Variants in SH3RF3 observed in about 807,000 individuals in gnomAD.
SH3RF3 encodes the protein SH3 domain containing ring finger 3.
In SH3RF3, 29 loss-of-function variants were observed where a neutral mutation model predicts 66.3. That is an observed-to-expected ratio of 0.44 (90% CI 0.33 to 0.60). The LOEUF is 0.60. Ranked by LOEUF, SH3RF3 falls within the 20% of genes least tolerant of loss-of-function variation. The pLI, the probability that SH3RF3 is intolerant of heterozygous loss-of-function variation, is 0.04. For synonymous variants in SH3RF3, 583 were observed against 532.0 expected (o/e 1.10, Z -1.32); for missense variants, 1,194 against 1,190.9 (o/e 1.00, Z -0.04).
At chr2:109,260,353 G>A (rs911579384) in intron 1 of SH3RF3, among the ~76,000 whole-genome samples, 5 of 152,206 alleles carry the variant, frequency 3.3e-5, no homozygotes, top group East Asian at 1.9e-4. Flanking sequence ...CCTGTGACCC[G>A]AGGTCAGGGA....
chr2:109,249,631 CTCTT>C (rs975347169), intron 1 of SH3RF3, among the ~76,000 whole-genome samples: 1 of 141,670 alleles, frequency 7.1e-6, no homozygotes, highest in Non-Finnish European at 1.5e-5. Context: ...CTTTCTCTCT[CTCTT>C]TCTCTGTTTC....
chr2:109,374,155 C>G (rs1252511881), intron 3 of SH3RF3, among the ~76,000 whole-genome samples: 2 of 152,192 alleles, frequency 1.3e-5, no homozygotes, highest in Admixed American at 6.5e-5. Context: ...GGGCACAGTC[C>G]CTTCCACCCA....
At chr2:109,161,066 T>C (rs1411565857) in intron 1 of SH3RF3, among the ~76,000 whole-genome samples, 1 of 152,134 alleles carries the variant, frequency 6.6e-6, no homozygotes, top group African/African-American at 2.4e-5. Flanking sequence ...GTGAGGGTGC[T>C]TGTGATCACA....
In SH3RF3 at chr2:109,398,948, C is replaced by T; in HGVS notation, c.1299+5C>T. 6.2e-7 allele frequency: 1 copy of T among 1,607,534 alleles called. No individual in the cohort carries two copies. Among genetic ancestry groups the T allele is most frequent in the Non-Finnish European group, 8.5e-7 (1 of 1,177,828 alleles). On this transcript the variant is annotated splice_donor_5th_base_variant and intron_variant, in intron 4 of 9. Transcript: ENST00000309415. ...TCGTGCGCTGCTCCCACCCAGGTAA[C>T]ATCCCGCGGGCCAGGGCAGGCATCC...
chr2:109,319,481 G>T (rs1222675847), intron 1 of SH3RF3, among the ~76,000 whole-genome samples: 2 of 152,168 alleles, frequency 1.3e-5, no homozygotes, highest in African/African-American at 4.8e-5. Flanking sequence ...TTGCACTTCT[G>T]CTGGGGTAGT....
intron 1 of SH3RF3, among the ~76,000 whole-genome samples, chr2:109,203,823 C>CG (rs34217013): frequency 0.49 from 74,829 of 151,882 alleles, 19,007 homozygotes; most frequent in African/African-American, 0.6. Flanking sequence ...GACTCTGAAG[C>CG]GTTTGCTCTC....
chr2:109,346,965 C>G (rs1682724243), intron 1 of SH3RF3, among the ~76,000 whole-genome samples: 1 of 152,102 alleles, frequency 6.6e-6, no homozygotes, highest in Non-Finnish European at 1.5e-5. Flanking sequence ...TGTTAGAACC[C>G]CTGCTCCTGG....
chr2:109,346,213 A>G (rs976102402), intron 1 of SH3RF3, among the ~76,000 whole-genome samples: 1 of 152,210 alleles, frequency 6.6e-6, no homozygotes, highest in African/African-American at 2.4e-5. Flanking sequence ...TCTGCAATGA[A>G]AAATCCTCTG....
At chr2:109,145,853 G>A (rs1199009751) in intron 1 of SH3RF3, among the ~76,000 whole-genome samples, 2 of 152,194 alleles carry the variant, frequency 1.3e-5, no homozygotes, top group Non-Finnish European at 2.9e-5. Context: ...CTGAAAGGCA[G>A]GACGGAGCCG....
At position 109,465,943 on chromosome 2, in the gene SH3RF3, T is replaced by G. The variant is rs182872930; in HGVS notation, c.2148+16454T>G. Among the ~76,000 whole-genome samples, 119 of 152,066 alleles carry G rather than the reference T, an allele frequency of 7.8e-4. 1 individual carries two copies. The highest frequency in any genetic ancestry group is 2.6e-3 in the African/African-American group (109 of 41,460). On this transcript the variant is annotated intron_variant, in intron 8 of 9. Transcript: ENST00000309415. Reference sequence around the variant, plus strand: ...GATCCGTCCCCACGATCCAGTCACCTCCCACCAGACCCCACCTCTAACACC... The same window carrying G: ...GATCCGTCCCCACGATCCAGTCACCGCCCACCAGACCCCACCTCTAACACC...
intron 1 of SH3RF3, among the ~76,000 whole-genome samples, chr2:109,200,594 C>G (rs975706542): frequency 1.3e-5 from 2 of 152,180 alleles, no homozygotes; most frequent in African/African-American, 4.8e-5. Flanking sequence ...CCTTTTCCAC[C>G]TGGAGATGCC....
intron 4 of SH3RF3, among the ~76,000 whole-genome samples, chr2:109,409,993 A>T (rs556015672): frequency 6.6e-6 from 1 of 152,290 alleles, no homozygotes; most frequent in East Asian, 1.9e-4. Context: ...GTGTCAAAGA[A>T]AGAGACTCGG....
At chr2:109,227,417 A>T (rs115062282) in intron 1 of SH3RF3, among the ~76,000 whole-genome samples, 1,895 of 152,270 alleles carry the variant, frequency 0.012, 40 homozygotes, top group African/African-American at 0.043. Flanking sequence ...CTTCTTACTA[A>T]GCCACAAGTT....
chr2:109,309,220 CTGTT>C (rs1681670310), intron 1 of SH3RF3, among the ~76,000 whole-genome samples: 2 of 140,072 alleles, frequency 1.4e-5, no homozygotes, highest in Admixed American at 1.5e-4. Flanking sequence ...ATTTGGCTCT[CTGTT>C]TGTCTGTTGT....
intron 5 of SH3RF3, among the ~76,000 whole-genome samples, chr2:109,425,614 G>A (rs1375497165): frequency 6.6e-6 from 1 of 152,100 alleles, no homozygotes; most frequent in African/African-American, 2.4e-5. Flanking sequence ...GTGTAAATGG[G>A]ACAACCACGC....
intron 1 of SH3RF3, among the ~76,000 whole-genome samples, chr2:109,245,500 G>A (rs188409655): frequency 6.6e-6 from 1 of 152,252 alleles, no homozygotes; most frequent in East Asian, 1.9e-4. Flanking sequence ...TCCTTTCTAA[G>A]AGTCAACTAG....
chr2:109,398,599 T>C lies in SH3RF3; in HGVS notation c.955T>C (p.Ser319Pro). Residue 319 changes from serine (S) to proline (P), a missense_variant, in exon 4 of 10, where the codon TCC (serine) becomes CCC (proline). Transcript: ENST00000309415. Reference sequence around the variant, plus strand: ...CCCCTTTCTCACTCAGCTCAATGACTCCGCCAAGCAGCTCATTGAGATGGA... The same window carrying C: ...CCCCTTTCTCACTCAGCTCAATGACCCCGCCAAGCAGCTCATTGAGATGGA... ...FPLLYVELND[S>P]AKQLIEMDKP... is the part of the protein sequence containing the mutation. The C allele has an allele frequency of 6.4e-7, 1 of 1,565,048 alleles. No individual in the cohort carries two copies.
At chr2:109,171,345 T>G (rs183887737) in intron 1 of SH3RF3, among the ~76,000 whole-genome samples, 1 of 152,360 alleles carries the variant, frequency 6.6e-6, no homozygotes, top group East Asian at 1.9e-4. Context: ...TTCAAAGTTT[T>G]TGTCATCTCT....
intron 1 of SH3RF3, among the ~76,000 whole-genome samples, chr2:109,163,621 G>A (rs1039696390): frequency 5.9e-5 from 9 of 151,494 alleles, no homozygotes; most frequent in African/African-American, 9.7e-5. Flanking sequence ...GGATGGTCTC[G>A]ATCTCCTGAC....
Sources: gnomAD v4.1 joint callset for allele counts (sites outside exome capture counted in the v4.1 genomes callset) on GRCh38, gnomAD v4.1.1 for gene constraint, MANE v1.5 for transcripts, NCBI Gene and HGNC (gene_info 2026-07-23, HGNC 2026-07-21) for gene names.